The following NALF1 variants were observed in gnomAD, a reference collection of about 807,000 sequenced individuals.
The protein encoded by NALF1 is family with sequence similarity 155 member A.
NALF1 carries 3 observed loss-of-function variants against 48.4 expected under a neutral mutation model. The ratio of observed to expected loss-of-function variants is 0.06; its 90% CI spans 0.03 to 0.16. The LOEUF is 0.16. Ranked by LOEUF, NALF1 falls within the 10% of genes least tolerant of loss-of-function variation. NALF1 has a pLI of 1.00. For missense variants in NALF1, 526 were observed against 571.5 expected, an observed-to-expected ratio of 0.92 and a Z score of 0.81; for synonymous variants, 262 against 245.7, an observed-to-expected ratio of 1.07 and a Z score of -0.62.
chr13:107,182,257 T>TCC (rs1300497192), intron 2 of NALF1, among the ~76,000 whole-genome samples: 42 of 151,000 alleles, frequency 2.8e-4, no homozygotes, highest in Admixed American at 2.6e-3. Flanking sequence ...TGTGTCCGTG[T>TCC]GTGTGTGTGT....
intron 1 of NALF1, among the ~76,000 whole-genome samples, chr13:107,265,815 T>C (rs1004483901): frequency 7.9e-5 from 12 of 152,204 alleles, no homozygotes; most frequent in African/African-American, 2.9e-4. Flanking sequence ...TTGAAATTTT[T>C]TGGTCATTTT....
At chr13:107,812,824 A>T (rs1486099691) in intron 1 of NALF1, among the ~76,000 whole-genome samples, 1 of 152,016 alleles carries the variant, frequency 6.6e-6, no homozygotes, top group Admixed American at 6.6e-5. Context: ...AGTTTGAGAC[A>T]GGGTCTCGCT....
intron 1 of NALF1, among the ~76,000 whole-genome samples, chr13:107,550,370 T>C (rs1233125922): frequency 2.6e-5 from 4 of 152,140 alleles, no homozygotes; most frequent in Admixed American, 6.6e-5. Flanking sequence ...ATCTTTATTG[T>C]TAAAATAAAT....
chr13:107,290,928 G>A (rs1469149588), intron 1 of NALF1, among the ~76,000 whole-genome samples: 3 of 151,906 alleles, frequency 2.0e-5, no homozygotes, highest in African/African-American at 7.3e-5. Flanking sequence ...TGACAGATTT[G>A]GAAAACAGTT....
chr13:107,213,997 G>A (rs2138808219), intron 1 of NALF1, among the ~76,000 whole-genome samples: 1 of 152,330 alleles, frequency 6.6e-6, no homozygotes, highest in South Asian at 2.1e-4. Context: ...GTAGCTACCA[G>A]CGTGATATAA....
chr13:107,720,442 C>T (rs574774990), intron 1 of NALF1, among the ~76,000 whole-genome samples: 12 of 131,686 alleles, frequency 9.1e-5, no homozygotes, highest in Non-Finnish European at 1.8e-4. Flanking sequence ...ACCCAAGAGG[C>T]AGAGGCTGCA....
intron 1 of NALF1, among the ~76,000 whole-genome samples, chr13:107,427,394 C>T: frequency 6.6e-6 from 1 of 151,644 alleles, no homozygotes; most frequent in Non-Finnish European, 1.5e-5. Context: ...TAAAGTAGTC[C>T]AACAAAATAT....
chr13:107,232,250 G>A (rs1222580196), intron 1 of NALF1, among the ~76,000 whole-genome samples: 1 of 152,178 alleles, frequency 6.6e-6, no homozygotes, highest in East Asian at 1.9e-4. Flanking sequence ...CTACATTAGA[G>A]GATGTACAAA....
rs545167206 is a variant in NALF1 at position 107,728,664 on chromosome 13, C to T, written c.915+137018G>A. 1.3e-4 allele frequency among the ~76,000 whole-genome samples: 20 copies of T among 151,728 alleles called. No homozygotes were observed. In the East Asian group the frequency reaches 3.5e-3, roughly 27 times the overall value. ...TGTATACATATGTAACAAACCTGCA[C>T]GTTCTGCGCATGTATCCCAGAACTT... On this transcript the variant is annotated intron_variant, in intron 1 of 2. Coordinates refer to ENST00000375915, the MANE Select transcript of NALF1 (RefSeq NM_001080396.3).
intron 1 of NALF1, among the ~76,000 whole-genome samples, chr13:107,301,326 A>C (rs571373962): frequency 5.3e-5 from 8 of 152,338 alleles, no homozygotes; most frequent in African/African-American, 1.9e-4. Context: ...AAGAATTAAA[A>C]AGCGAAAAAG....
intron 1 of NALF1, among the ~76,000 whole-genome samples, chr13:107,267,678 G>T (rs1881070006): frequency 1.3e-5 from 2 of 152,262 alleles, no homozygotes; most frequent in South Asian, 4.2e-4. Flanking sequence ...AAGTTTAAAA[G>T]ATTAACAACA....
rs145227512 is a variant in NALF1 at position 107,801,957 on chromosome 13, T to C, written c.915+63725A>G. Among the ~76,000 whole-genome samples, 41 of 152,264 alleles carry C rather than the reference T, an allele frequency of 2.7e-4. 1 individual carries two copies. In the East Asian group the frequency reaches 6.0e-3, roughly 22 times the overall value. On this transcript the variant is annotated intron_variant, in intron 1 of 2. Coordinates refer to ENST00000375915, the MANE Select transcript of NALF1 (RefSeq NM_001080396.3). ...TATGACTGTCTGTGTATCAGCAGTT[T>C]AAGGAACCATGTTTTTTGCCTATGA...
At chr13:107,171,338 T>C (rs1404255339) in intron 2 of NALF1, among the ~76,000 whole-genome samples, 1 of 152,208 alleles carries the variant, frequency 6.6e-6, no homozygotes, top group Non-Finnish European at 1.5e-5. Context: ...TTTTGATTTA[T>C]TTTCTAAACA....
At chr13:107,356,085 T>C (rs1882958837) in intron 1 of NALF1, among the ~76,000 whole-genome samples, 1 of 152,282 alleles carries the variant, frequency 6.6e-6, no homozygotes, top group Middle Eastern at 3.4e-3. Flanking sequence ...TACCCACTCC[T>C]TAACAAACAC....
intron 1 of NALF1, among the ~76,000 whole-genome samples, chr13:107,524,569 G>A (rs1876364141): frequency 6.6e-6 from 1 of 152,160 alleles, no homozygotes; most frequent in Non-Finnish European, 1.5e-5. Context: ...AAGCAAGGTA[G>A]ATGGGATGAT....
In NALF1 at chr13:107,337,190, T is replaced by C. The variant is rs181368910; in HGVS notation, c.916-126435A>G. The stretch of plus-strand genomic sequence containing the variant: ...TCTGTTGGATCAGAAAGCCTATAAC[T>C]GGTTTTTAAAAAGGTCTGATATTGA... On this transcript the variant is annotated intron_variant, in intron 1 of 2. Transcript: ENST00000375915. Among the ~76,000 whole-genome samples the C allele has an allele frequency of 2.8e-3, 419 of 152,152 alleles. 2 individuals carry two copies. The highest frequency in any genetic ancestry group is 6.8e-3 in the Middle Eastern group (2 of 294).
At chr13:107,772,481 A>AT (rs769736613) in intron 1 of NALF1, among the ~76,000 whole-genome samples, 2 of 152,058 alleles carry the variant, frequency 1.3e-5, no homozygotes, top group Admixed American at 6.5e-5. Flanking sequence ...ATATGTCTCT[A>AT]TTTTTTTGAG....
At chr13:107,437,306 C>T (rs1289857422) in intron 1 of NALF1, among the ~76,000 whole-genome samples, 1 of 152,098 alleles carries the variant, frequency 6.6e-6, no homozygotes, top group Non-Finnish European at 1.5e-5. Flanking sequence ...TAAAATAGTC[C>T]GATCACTTTG....
At chr13:107,487,679 G>A (rs1033782819) in intron 1 of NALF1, among the ~76,000 whole-genome samples, 5 of 152,156 alleles carry the variant, frequency 3.3e-5, no homozygotes, top group African/African-American at 1.2e-4. Flanking sequence ...GATTCAGTTT[G>A]CTAGTGTTTT....
Sources: allele counts gnomAD v4.1 joint callset (sites outside exome capture counted in the v4.1 genomes callset), GRCh38; gene constraint gnomAD v4.1.1; transcripts MANE v1.5; gene names NCBI Gene and HGNC (gene_info 2026-07-23, HGNC 2026-07-21).